Variants in TSHZ1 observed in about 807,000 individuals in gnomAD.
TSHZ1 encodes teashirt zinc finger homeobox 1, also known as teashirt homolog 1.
A neutral mutation model predicts 67.1 loss-of-function variants in TSHZ1; 12 were observed. The ratio of observed to expected loss-of-function variants is 0.18; its 90% CI spans 0.11 to 0.29. The LOEUF (loss-of-function observed/expected upper bound fraction) is 0.29. Among genes scored for constraint, TSHZ1 ranks in the 10% least tolerant of loss-of-function variants. The probability of loss-of-function intolerance (pLI) is 1.00; values close to 1 mark genes in which losing one functional copy is unlikely to be tolerated. For synonymous variants in TSHZ1, 632 were observed against 622.4 expected (o/e 1.02, Z -0.23); for missense variants, 1,305 against 1,413.9 (o/e 0.92, Z 1.23).
At chr18:75,259,455 C>T (rs2023403519) in intron 1 of TSHZ1, among the ~76,000 whole-genome samples, 1 of 152,142 alleles carries the variant, frequency 6.6e-6, no homozygotes, top group South Asian at 2.1e-4. Flanking sequence ...CCTACACGGT[C>T]CCTCCTAGGA....
rs140690656 is a variant in TSHZ1, at chr18:75,270,690, T to G, written c.41-14758T>G. 5.6e-3 allele frequency among the ~76,000 whole-genome samples: 846 copies of G among 152,370 alleles called. 6 individuals carry two copies. The highest frequency in any genetic ancestry group is 0.054 in the Middle Eastern group (16 of 294). On this transcript the variant is annotated intron_variant, in intron 1 of 1. Coordinates refer to ENST00000580243, the MANE Select transcript of TSHZ1 (RefSeq NM_001308210.2). The stretch of plus-strand genomic sequence containing the variant: ...ATTTGCATGTGTATACTGTTTTCTT[T>G]CAGGCTACTGTCGTGAGTATTTAGG...
At chr18:75,231,840 C>A (rs1259953840) in intron 1 of TSHZ1, among the ~76,000 whole-genome samples, 2 of 151,958 alleles carry the variant, frequency 1.3e-5, no homozygotes, top group Non-Finnish European at 2.9e-5. Context: ...GCCTGGCCCA[C>A]TCTGCGATTT....
At chr18:75,233,206 G>T (rs1568355267) in intron 1 of TSHZ1, among the ~76,000 whole-genome samples, 1 of 152,196 alleles carries the variant, frequency 6.6e-6, no homozygotes, top group Non-Finnish European at 1.5e-5. Context: ...TATATCTGCA[G>T]TCTGCTCCGT....
intron 1 of TSHZ1, among the ~76,000 whole-genome samples, chr18:75,275,863 C>T (rs2023608522): frequency 2.0e-5 from 3 of 152,238 alleles, no homozygotes; most frequent in Admixed American, 6.5e-5. Flanking sequence ...CAAACAGCCA[C>T]GTGCTCTCTC....
intron 1 of TSHZ1, among the ~76,000 whole-genome samples, chr18:75,223,238 A>G (rs2022872650): frequency 6.6e-6 from 1 of 152,232 alleles, no homozygotes; most frequent in South Asian, 2.1e-4. Flanking sequence ...GTCTGTTTCT[A>G]TAGCAATTGC....
At chr18:75,262,522 C>G (rs2023442828) in intron 1 of TSHZ1, among the ~76,000 whole-genome samples, 1 of 152,234 alleles carries the variant, frequency 6.6e-6, no homozygotes, top group African/African-American at 2.4e-5. Flanking sequence ...CAATTGGCCT[C>G]TTGGCTAGGA....
intron 1 of TSHZ1, among the ~76,000 whole-genome samples, chr18:75,272,370 T>C (rs2122597445): frequency 6.6e-6 from 1 of 152,278 alleles, no homozygotes; most frequent in South Asian, 2.1e-4. Flanking sequence ...GGGATCTGTG[T>C]GCACCCCTCT....
chr18:75,221,608 AGCAC>A lies in TSHZ1; in HGVS notation c.40+9693_40+9696del, dbSNP rs1364849810. 1.2e-4 allele frequency among the ~76,000 whole-genome samples: 19 copies of A among 152,354 alleles called. 1 individual carries two copies. In the East Asian group the frequency reaches 3.5e-3, roughly 28 times the overall value. On this transcript the variant is annotated intron_variant, in intron 1 of 1. Coordinates refer to ENST00000580243, the MANE Select transcript of TSHZ1 (RefSeq NM_001308210.2). Reference sequence around the variant, plus strand: ...CTGGCTTTAAAATATATGGATTTAAAGCACAAGTATTGTGACTAATATTTATTTC... The same window carrying A: ...CTGGCTTTAAAATATATGGATTTAAAAAGTATTGTGACTAATATTTATTTC...
chr18:75,282,919 A>C (rs1340382473), intron 1 of TSHZ1: 1 of 152,402 alleles, frequency 6.6e-6, no homozygotes, highest in African/African-American at 2.4e-5. Flanking sequence ...GAGCAGAGGC[A>C]CACAGAGCAG....
At chr18:75,278,332 G>A (rs2023640461) in intron 1 of TSHZ1, among the ~76,000 whole-genome samples, 1 of 152,156 alleles carries the variant, frequency 6.6e-6, no homozygotes. Flanking sequence ...CAAAATCCAA[G>A]CACTCCTTCC....
intron 1 of TSHZ1, among the ~76,000 whole-genome samples, chr18:75,247,203 A>C (rs554845488): frequency 6.6e-6 from 1 of 152,240 alleles, no homozygotes; most frequent in East Asian, 1.9e-4. Context: ...CCTTCACCAA[A>C]TGCCAGTGTT....
At chr18:75,224,809 T>C (rs111297387) in intron 1 of TSHZ1, among the ~76,000 whole-genome samples, 19 of 152,240 alleles carry the variant, frequency 1.2e-4, no homozygotes, top group African/African-American at 4.3e-4. Flanking sequence ...CTTTGTTCTT[T>C]CATTAATCTC....
At chr18:75,283,982 C>G (rs4891053) in intron 1 of TSHZ1, 40,448 of 152,186 alleles carry the variant, frequency 0.27, 6,149 homozygotes, top group Middle Eastern at 0.34. Flanking sequence ...AATGAGACAC[C>G]CCTCTCAGGT....
rs183438152 is a variant in TSHZ1, at chr18:75,288,677, T to G, written c.*36T>G. 1.6e-5 allele frequency: 24 copies of G among 1,535,506 alleles called. No homozygotes were observed. In the East Asian group the frequency reaches 4.7e-4, roughly 30 times the overall value. The stretch of plus-strand genomic sequence containing the variant: ...TGCAAGAGACCGCGGAACATTGCAC[T>G]AAACGTCGTCGAGCTGCACTAGGCC... On this transcript the variant is annotated 3_prime_UTR_variant, in exon 2 of 2. Transcript: ENST00000580243. The surrounding 1 kb of genome is among the most constrained non-coding windows in gnomAD (Gnocchi z 4.9).
chr18:75,286,876 C>A lies in TSHZ1; in HGVS notation c.1469C>A (p.Pro490His), dbSNP rs1368608444. The A allele has an allele frequency of 4.3e-6, 7 of 1,614,070 alleles. No homozygotes were observed. In the Admixed American group the frequency reaches 8.3e-5, roughly 19 times the overall value. The change falls in exon 2 of 2, where the codon CCC becomes CAC. Residue 490 changes from proline (P) to histidine (H), a missense_variant. Around this residue, in one of 3 missense-constraint regions of TSHZ1, gnomAD observed 909 missense variants for 961.8 expected, o/e 0.95. Coordinates refer to ENST00000580243, the MANE Select transcript of TSHZ1 (RefSeq NM_001308210.2). The surrounding 1 kb of genome is among the most constrained non-coding windows in gnomAD (Gnocchi z 5.1). ...AGCATCAAAAAGCAGCCCGACTCTCCCGCGGGGTCCACGACTTCTGAAGAA... is the reference window on the plus strand; with the variant it reads ...AGCATCAAAAAGCAGCCCGACTCTCACGCGGGGTCCACGACTTCTGAAGAA... ...ASSIKKQPDS[P>H]AGSTTSEEKK...
intron 1 of TSHZ1, among the ~76,000 whole-genome samples, chr18:75,253,752 G>A (rs2023331854): frequency 6.6e-6 from 1 of 152,214 alleles, no homozygotes; most frequent in Admixed American, 6.5e-5. Context: ...TTAGGCATGA[G>A]GGAAAGGACC....
chr18:75,272,500 C>A (rs71359079), intron 1 of TSHZ1, among the ~76,000 whole-genome samples: 5,047 of 152,272 alleles, frequency 0.033, 132 homozygotes, highest in East Asian at 0.11. Context: ...TTCCTCATTT[C>A]TTTGTAATTG....
intron 1 of TSHZ1, among the ~76,000 whole-genome samples, chr18:75,272,074 A>AG (rs1215500205): frequency 2.6e-5 from 4 of 152,248 alleles, no homozygotes; most frequent in African/African-American, 9.6e-5. Context: ...TGTTGCCAGC[A>AG]GGGATGAAAA....
intron 1 of TSHZ1, among the ~76,000 whole-genome samples, chr18:75,223,049 C>T (rs545094950): frequency 6.6e-5 from 10 of 152,246 alleles, no homozygotes; most frequent in East Asian, 1.9e-4. Context: ...CTCCCTGCCT[C>T]CCAGCACTGC....
Sources: gnomAD v4.1 joint callset for allele counts (sites outside exome capture counted in the v4.1 genomes callset) on GRCh38, gnomAD v4.1.1 for gene constraint, gnomAD v4.1.1 regional missense constraint, Gnocchi (gnomAD v3.1) non-coding constraint, MANE v1.5 for transcripts, NCBI Gene and HGNC (gene_info 2026-07-23, HGNC 2026-07-21) for gene names.